The following CREB5 variants were observed in gnomAD, a reference collection of about 807,000 sequenced individuals.
The protein encoded by CREB5 is cAMP responsive element binding protein 5, also known as cyclic AMP-responsive element-binding protein 5.
A neutral mutation model predicts 57.1 loss-of-function variants in CREB5; 19 were observed. That is an observed-to-expected ratio of 0.33 (90% CI 0.23 to 0.49). The LOEUF (loss-of-function observed/expected upper bound fraction) is 0.49. Among genes scored for constraint, CREB5 ranks in the 20% least tolerant of loss-of-function variants. The pLI, the probability that CREB5 is intolerant of heterozygous loss-of-function variation, is 0.99. For synonymous variants in CREB5, 238 were observed against 238.3 expected (o/e 1.00, Z 0.01); for missense variants, 579 against 671.6 (o/e 0.86, Z 1.52).
At chr7:28,398,305 T>C (rs1390105575) in intron 1 of CREB5, among the ~76,000 whole-genome samples, 1 of 152,144 alleles carries the variant, frequency 6.6e-6, no homozygotes, top group Non-Finnish European at 1.5e-5. Context: ...ATAGCAGCCA[T>C]AGAATAGTTC....
At chr7:28,576,237 G>T (rs1284216025) in intron 5 of CREB5, among the ~76,000 whole-genome samples, 1 of 152,178 alleles carries the variant, frequency 6.6e-6, no homozygotes, top group Non-Finnish European at 1.5e-5. Flanking sequence ...CCTTGATACT[G>T]ACACTGAAGA....
intron 2 of CREB5, among the ~76,000 whole-genome samples, chr7:28,492,800 G>A (rs1048489128): frequency 6.0e-5 from 9 of 149,892 alleles, no homozygotes; most frequent in Admixed American, 2.0e-4. Flanking sequence ...TGTTATATAC[G>A]CATATAAAAC....
intron 1 of CREB5, among the ~76,000 whole-genome samples, chr7:28,465,140 T>C (rs1201583720): frequency 6.6e-6 from 1 of 152,206 alleles, no homozygotes; most frequent in African/African-American, 2.4e-5. Context: ...TCAGGACTCC[T>C]GCAGCTTCAG....
chr7:28,666,380 G>A (rs1055947093), intron 5 of CREB5, among the ~76,000 whole-genome samples: 1 of 152,126 alleles, frequency 6.6e-6, no homozygotes, highest in Non-Finnish European at 1.5e-5. Context: ...GTTCTTATGA[G>A]AGACCTCCAA....
chr7:28,759,502 C>T (rs1466241887), intron 7 of CREB5, among the ~76,000 whole-genome samples: 1 of 152,124 alleles, frequency 6.6e-6, no homozygotes, highest in South Asian at 2.1e-4. Context: ...GTGCAGTCTA[C>T]CAGAAATTAT....
intron 5 of CREB5, among the ~76,000 whole-genome samples, chr7:28,701,001 G>C (rs987804915): frequency 7.3e-5 from 11 of 150,584 alleles, no homozygotes; most frequent in African/African-American, 1.2e-4. Context: ...TGTGAGTAAA[G>C]TAGACAGTCT....
intron 1 of CREB5, among the ~76,000 whole-genome samples, chr7:28,383,736 G>A (rs865857121): frequency 9.2e-5 from 14 of 152,224 alleles, no homozygotes; most frequent in Admixed American, 4.6e-4. Context: ...CAGGCCCCAC[G>A]TCCAACATGG....
chr7:28,427,709 C>T (rs1788563666), intron 1 of CREB5, among the ~76,000 whole-genome samples: 1 of 152,136 alleles, frequency 6.6e-6, no homozygotes, highest in South Asian at 2.1e-4. Context: ...CTCCTCCTCA[C>T]CCCTCCTAGC....
chr7:28,413,951 A>C (rs1036490303), intron 1 of CREB5, among the ~76,000 whole-genome samples: 1 of 152,110 alleles, frequency 6.6e-6, no homozygotes, highest in East Asian at 1.9e-4. Context: ...ACTTTTTAGC[A>C]ATGAGGTATC....
chr7:28,722,717 A>G (rs1030780202), intron 6 of CREB5, among the ~76,000 whole-genome samples: 2 of 152,200 alleles, frequency 1.3e-5, no homozygotes, highest in Non-Finnish European at 2.9e-5. Flanking sequence ...AAATGTACAG[A>G]AAATTCACCT....
Position 28,320,941 on chromosome 7 carries a change from C to A in CREB5, c.-25+21500C>A, listed in dbSNP as rs185037521. On this transcript the variant is annotated intron_variant, in intron 1 of 9. Transcript: ENST00000396299. Reference sequence around the variant, plus strand: ...AATGCAGAGAGGCAGAATGGGAGAGCAGAGGAGAACACGGACTCGGGAGCA... The same window carrying A: ...AATGCAGAGAGGCAGAATGGGAGAGAAGAGGAGAACACGGACTCGGGAGCA... 3.3e-5 allele frequency among the ~76,000 whole-genome samples: 5 copies of A among 152,268 alleles called. No homozygotes were observed. The East Asian group carries it at 7.7e-4, about 23-fold the overall frequency.
intron 4 of CREB5, among the ~76,000 whole-genome samples, chr7:28,556,538 G>A (rs779569776): frequency 6.6e-5 from 10 of 152,024 alleles, no homozygotes; most frequent in Non-Finnish European, 1.3e-4. Context: ...TTAGGTTGAT[G>A]GATGATTTTT....
At chr7:28,797,587 T>C (rs1808121291) in intron 7 of CREB5, among the ~76,000 whole-genome samples, 1 of 152,328 alleles carries the variant, frequency 6.6e-6, no homozygotes, top group East Asian at 1.9e-4. Context: ...CTGAGTTACC[T>C]TATGAAAGTT....
intron 2 of CREB5, among the ~76,000 whole-genome samples, chr7:28,492,521 T>TA (rs1301955901): frequency 3.9e-5 from 6 of 151,942 alleles, no homozygotes; most frequent in Admixed American, 6.6e-5. Flanking sequence ...CCTGCTGAAT[T>TA]AAAAAAAATC....
chr7:28,362,874 G>A (rs1007496871), intron 1 of CREB5, among the ~76,000 whole-genome samples: 2 of 152,206 alleles, frequency 1.3e-5, no homozygotes, highest in African/African-American at 2.4e-5. Context: ...CATCTGGAAA[G>A]TGGGAATGAT....
chr7:28,560,951 C>CGTGCGCGTGCGT (rs1795208911), intron 4 of CREB5, among the ~76,000 whole-genome samples: 1 of 38,950 alleles, frequency 2.6e-5, no homozygotes, highest in Admixed American at 3.2e-4. Flanking sequence ...CGTGTGTGTG[C>CGTGCGCGTGCGT]GTGTGTGTGC....
chr7:28,486,647 C>A, intron 1 of CREB5, among the ~76,000 whole-genome samples: 1 of 87,516 alleles, frequency 1.1e-5, no homozygotes, highest in Admixed American at 1.3e-4. Context: ...ACTTAAATAA[C>A]TAAACGTGTA....
At chr7:28,750,242 C>G (rs574286953) in intron 7 of CREB5, among the ~76,000 whole-genome samples, 2 of 152,198 alleles carry the variant, frequency 1.3e-5, no homozygotes, top group Non-Finnish European at 2.9e-5. Flanking sequence ...TCATTTCTAA[C>G]TGTCAGTGTG....
At chr7:28,768,840 A>T (rs1728918746) in intron 7 of CREB5, among the ~76,000 whole-genome samples, 1 of 152,214 alleles carries the variant, frequency 6.6e-6, no homozygotes, top group African/African-American at 2.4e-5. Context: ...TCCCAGAAGG[A>T]GGTAGTTTCA....
Sources: allele counts gnomAD v4.1 joint callset (sites outside exome capture counted in the v4.1 genomes callset), GRCh38; gene constraint gnomAD v4.1.1; transcripts MANE v1.5; gene names NCBI Gene and HGNC (gene_info 2026-07-23, HGNC 2026-07-21).